The following NECTIN3 variants were observed in gnomAD, a reference collection of about 807,000 sequenced individuals.
NECTIN3 encodes nectin-3.
Under a neutral mutation model 49.4 loss-of-function variants are expected in NECTIN3, and 8 were observed. The ratio of observed to expected loss-of-function variants is 0.16; its 90% CI spans 0.10 to 0.29. The LOEUF is 0.29. Among genes scored for constraint, NECTIN3 ranks in the 10% least tolerant of loss-of-function variants. NECTIN3 has a pLI of 1.00. For synonymous variants in NECTIN3, 277 were observed against 241.1 expected, an observed-to-expected ratio of 1.15 and a Z score of -1.38; for missense variants, 581 against 654.6, an observed-to-expected ratio of 0.89 and a Z score of 1.23.
intron 7 of NECTIN3, among the ~76,000 whole-genome samples, chr3:111,163,490 G>T (rs1279986989): frequency 4.6e-5 from 7 of 152,170 alleles, no homozygotes; most frequent in African/African-American, 9.7e-5. Context: ...TGCTCTCTGT[G>T]TGTTGTCATA....
intron 1 of NECTIN3, chr3:111,072,589 G>T (rs1007535207): frequency 1.3e-6 from 2 of 1,533,866 alleles, no homozygotes; most frequent in Admixed American, 3.9e-5. Flanking sequence ...AAACCCTAGG[G>T]ACCGGAGCCC....
At chr3:111,126,087 G>T in intron 4 of NECTIN3, 97 bp from the exon 5 acceptor site, 43 of 829,432 alleles carry the variant, frequency 5.2e-5, no homozygotes, top group South Asian at 2.9e-4. Flanking sequence ...TTTTTATTTT[G>T]ACTAACATCT....
chr3:111,110,862 T>G (rs1198578962), intron 1 of NECTIN3, among the ~76,000 whole-genome samples: 1 of 152,128 alleles, frequency 6.6e-6, no homozygotes, highest in Non-Finnish European at 1.5e-5. Context: ...TTTTTTGTTT[T>G]TGTTTATTCC....
intron 7 of NECTIN3, among the ~76,000 whole-genome samples, chr3:111,161,222 A>G (rs982438660): frequency 2.6e-5 from 4 of 152,164 alleles, no homozygotes; most frequent in African/African-American, 9.7e-5. Context: ...AGAGTTTCAA[A>G]CAGAAATTGC....
intron 7 of NECTIN3, among the ~76,000 whole-genome samples, chr3:111,156,357 T>C (rs1172596697): frequency 2.6e-5 from 4 of 150,982 alleles, no homozygotes; most frequent in African/African-American, 9.9e-5. Flanking sequence ...TTTGAAGACA[T>C]GTTAGAATGA....
intron 7 of NECTIN3, among the ~76,000 whole-genome samples, chr3:111,183,633 G>A (rs2035667842): frequency 6.6e-6 from 1 of 151,898 alleles, no homozygotes; most frequent in African/African-American, 2.4e-5. Context: ...ATATTTTATG[G>A]GATATAGAAT....
chr3:111,157,700 T>C (rs773178590), intron 7 of NECTIN3, among the ~76,000 whole-genome samples: 48 of 151,902 alleles, frequency 3.2e-4, no homozygotes, highest in Non-Finnish European at 5.5e-4. Context: ...TTAGCTGTTG[T>C]CTGTTCTTGT....
intron 1 of NECTIN3, among the ~76,000 whole-genome samples, chr3:111,090,780 C>A (rs2032220205): frequency 6.7e-6 from 1 of 149,440 alleles, no homozygotes; most frequent in Admixed American, 6.7e-5. Flanking sequence ...GATTAAAATT[C>A]TCTTTTTGCC....
chr3:111,114,626 G>A (rs1482293714), intron 2 of NECTIN3, among the ~76,000 whole-genome samples: 1 of 152,150 alleles, frequency 6.6e-6, no homozygotes, highest in East Asian at 1.9e-4. Context: ...AGGAGAAATA[G>A]TTGAGTCAGT....
At chr3:111,101,698 G>A (rs2032915989) in intron 1 of NECTIN3, among the ~76,000 whole-genome samples, 2 of 152,088 alleles carry the variant, frequency 1.3e-5, no homozygotes, top group South Asian at 4.1e-4. Flanking sequence ...TTGAAATATG[G>A]CTTGTAACTG....
intron 7 of NECTIN3, among the ~76,000 whole-genome samples, chr3:111,174,066 C>T (rs948519415): frequency 1.3e-5 from 2 of 152,182 alleles, no homozygotes; most frequent in African/African-American, 4.8e-5. Flanking sequence ...TCAGTCTAGC[C>T]CTATGTGATC....
In NECTIN3 at chr3:111,165,129, C is replaced by T. The variant is rs558449804; in HGVS notation, c.1221+17645C>T. Among the ~76,000 whole-genome samples, 6 of 152,176 alleles carry T rather than the reference C, an allele frequency of 3.9e-5. No individual in the cohort carries two copies. In the South Asian group the frequency reaches 1.0e-3, roughly 26 times the overall value. ...CTCAGTCTCAGCTCACTGCAAGCTCCGCCTCCCAGGTTCACACCATTCTCC... is the reference window on the plus strand; with the variant it reads ...CTCAGTCTCAGCTCACTGCAAGCTCTGCCTCCCAGGTTCACACCATTCTCC... On this transcript the variant is annotated intron_variant, in intron 7 of 8. Coordinates refer to the NECTIN3 transcript ENST00000493615.
chr3:111,169,375 CTTTT>C (rs59239398), intron 7 of NECTIN3, among the ~76,000 whole-genome samples: 4 of 114,596 alleles, frequency 3.5e-5, no homozygotes, highest in Admixed American at 9.0e-5. Flanking sequence ...CAAACGCAAA[CTTTT>C]TTTTTTTTTT....
chr3:111,121,186 G>A (rs999365481), intron 3 of NECTIN3, among the ~76,000 whole-genome samples: 1 of 125,132 alleles, frequency 8.0e-6, no homozygotes, highest in African/African-American at 3.0e-5. Flanking sequence ...TTTTTTTTTT[G>A]TATTTTTTAG....
chr3:111,124,095 G>T (rs1037269802), intron 4 of NECTIN3, among the ~76,000 whole-genome samples: 4 of 151,992 alleles, frequency 2.6e-5, no homozygotes, highest in African/African-American at 9.7e-5. Flanking sequence ...TTTAAGCCTG[G>T]ATACTATTTT....
chr3:111,125,304 C>A lies in NECTIN3; in HGVS notation c.918-880C>A, dbSNP rs1689032430. The stretch of plus-strand genomic sequence containing the variant: ...TCGGCCTCCCAAAGTGCTGGGATTA[C>A]AGGTGTGAGCCACTGTGCCCGGCCT... On this transcript the variant is annotated intron_variant, in intron 4 of 5. Coordinates refer to ENST00000485303, the MANE Select transcript of NECTIN3 (RefSeq NM_015480.3). Among the ~76,000 whole-genome samples the A allele has an allele frequency of 2.6e-5, 4 of 152,060 alleles. No individual in the cohort carries two copies. The South Asian group carries it at 8.3e-4, about 32-fold the overall frequency.
At chr3:111,108,118 T>C (rs949080983) in intron 1 of NECTIN3, among the ~76,000 whole-genome samples, 6 of 152,212 alleles carry the variant, frequency 3.9e-5, no homozygotes, top group East Asian at 1.9e-4. Flanking sequence ...AAATCACTTA[T>C]TAGTTCCTAG....
chr3:111,147,913 A>G (rs2034914518), intron 7 of NECTIN3, among the ~76,000 whole-genome samples: 1 of 152,094 alleles, frequency 6.6e-6, no homozygotes, highest in Admixed American at 6.5e-5. Context: ...ATTTTATTCT[A>G]TTTTGGAATC....
chr3:111,107,414 A>G (rs1459504499), intron 1 of NECTIN3, among the ~76,000 whole-genome samples: 3 of 152,148 alleles, frequency 2.0e-5, no homozygotes, highest in African/African-American at 7.2e-5. Context: ...CTTTTAAATC[A>G]GGAAGACAGA....
Sources: allele counts gnomAD v4.1 joint callset (sites outside exome capture counted in the v4.1 genomes callset), GRCh38; gene constraint gnomAD v4.1.1; transcripts MANE v1.5; gene names NCBI Gene and HGNC (gene_info 2026-07-23, HGNC 2026-07-21).